The following KCNH1 variants were observed in gnomAD, a reference collection of about 807,000 sequenced individuals.
KCNH1 encodes the protein potassium voltage-gated channel subfamily H member 1.
KCNH1 carries 27 observed loss-of-function variants against 69.2 expected under a neutral mutation model. The ratio of observed to expected loss-of-function variants is 0.39; its 90% CI spans 0.29 to 0.54. The LOEUF is 0.54. Among genes scored for constraint, KCNH1 ranks in the 20% least tolerant of loss-of-function variants. KCNH1 has a pLI of 0.68. For missense variants in KCNH1, 798 were observed against 1,261.6 expected, an observed-to-expected ratio of 0.63 and a Z score of 5.57; for synonymous variants, 456 against 487.7, an observed-to-expected ratio of 0.93 and a Z score of 0.86.
intron 6 of KCNH1, among the ~76,000 whole-genome samples, chr1:210,924,696 C>T (rs1176572583): frequency 6.6e-6 from 1 of 152,162 alleles, no homozygotes; most frequent in East Asian, 1.9e-4. Flanking sequence ...ACTGTGGAAC[C>T]AGGGACTGGC....
intron 10 of KCNH1, among the ~76,000 whole-genome samples, chr1:210,686,042 A>G (rs1430473276): frequency 6.6e-6 from 1 of 152,108 alleles, no homozygotes; most frequent in Non-Finnish European, 1.5e-5. Context: ...TCTGACCTCC[A>G]CTGGGCAGCA....
At chr1:210,907,257 T>C (rs2102544076) in intron 7 of KCNH1, among the ~76,000 whole-genome samples, 1 of 152,276 alleles carries the variant, frequency 6.6e-6, no homozygotes, top group South Asian at 2.1e-4. Context: ...CAGGGTACAA[T>C]GGCTCTTCTT....
chr1:210,997,109 C>T (rs995247930), intron 6 of KCNH1, among the ~76,000 whole-genome samples: 1 of 152,204 alleles, frequency 6.6e-6, no homozygotes, highest in Non-Finnish European at 1.5e-5. Context: ...GAGTGCCTCT[C>T]CTCCTCGAAA....
chr1:210,807,601 C>T (rs934522959), intron 7 of KCNH1, among the ~76,000 whole-genome samples: 16 of 151,294 alleles, frequency 1.1e-4, no homozygotes, highest in Non-Finnish European at 1.9e-4. Context: ...GGTGACAAAG[C>T]GAGACTGTCT....
rs1684765360 is a variant in KCNH1 at position 210,814,031 on chromosome 1, T to G, written c.1463-9865A>C. 2.0e-5 allele frequency among the ~76,000 whole-genome samples: 3 copies of G among 152,160 alleles called. No homozygotes were observed. The South Asian group carries it at 6.2e-4, about 31-fold the overall frequency. ...GGAACTGTGAGTGCATTAAACCACTTTTTTTCATAAATTACCCAGTCTCAG... is the reference window on the plus strand; with the variant it reads ...GGAACTGTGAGTGCATTAAACCACTGTTTTTCATAAATTACCCAGTCTCAG... On this transcript the variant is annotated intron_variant, in intron 7 of 10. Coordinates refer to ENST00000271751, the MANE Select transcript of KCNH1 (RefSeq NM_172362.3).
Position 211,133,928 on chromosome 1 carries a change from G to T in KCNH1, c.18C>A (p.Gly6=). 2 of 1,609,346 alleles carry T rather than the reference G, an allele frequency of 1.2e-6. No individual in the cohort carries two copies. The highest frequency in any genetic ancestry group is 1.7e-6 in the Non-Finnish European group (2 of 1,178,014). Residue 6 remains glycine (G), a synonymous_variant, in exon 1 of 11, where the codon GGC becomes GGA. Transcript: ENST00000271751. The surrounding 1 kb of genome is among the most constrained non-coding windows in gnomAD (Gnocchi z 5.4). ...TTTGAGGGGCCACTAGTCCCCTCCT[G>T]CCCCCAGCCATGGTCATCCTCCCAG... MTMAG[G]RRGLVAPQNT...
intron 5 of KCNH1, among the ~76,000 whole-genome samples, chr1:211,043,707 C>A (rs1413950457): frequency 6.6e-6 from 1 of 152,130 alleles, no homozygotes; most frequent in African/African-American, 2.4e-5. Flanking sequence ...TACTGGCTAA[C>A]TAAATCCAAC....
At chr1:210,770,862 C>T (rs1229347622) in intron 10 of KCNH1, among the ~76,000 whole-genome samples, 2 of 152,172 alleles carry the variant, frequency 1.3e-5, no homozygotes, top group Non-Finnish European at 2.9e-5. Flanking sequence ...CTGAGGCTAC[C>T]ACAGAATGTG....
At chr1:210,691,863 C>T (rs544183627) in intron 10 of KCNH1, among the ~76,000 whole-genome samples, 2 of 152,188 alleles carry the variant, frequency 1.3e-5, no homozygotes, top group Non-Finnish European at 2.9e-5. Context: ...CACATGAGCC[C>T]AACTGTTTGG....
Position 210,683,021 on chromosome 1 carries a change from C to A in KCNH1, c.*260G>T. 1 of 482,878 alleles carries A rather than the reference C, an allele frequency of 2.1e-6. No homozygotes were observed. Among genetic ancestry groups the A allele is most frequent in the South Asian group, 2.7e-5 (1 of 36,622 alleles). The allele number at this position is 482,878 out of a possible 1,614,324, so 29.9% of individuals were successfully genotyped here. On this transcript the variant is annotated 3_prime_UTR_variant, in exon 11 of 11. Transcript: ENST00000271751. The surrounding 1 kb of genome is among the most constrained non-coding windows in gnomAD (Gnocchi z 5.7). ...AAAAATTAAAAATGAAGGAAAATAC[C>A]CTTTAGACAGCATGTCCCTTCTTCC...
At chr1:210,709,705 AAGAG>A (rs989983684) in intron 10 of KCNH1, among the ~76,000 whole-genome samples, 15 of 146,140 alleles carry the variant, frequency 1.0e-4, no homozygotes, top group African/African-American at 3.4e-4. Context: ...GAGAAAAAGA[AAGAG>A]AAAGAAAGAA....
chr1:211,074,207 A>G (rs1690694800), intron 5 of KCNH1, among the ~76,000 whole-genome samples: 1 of 151,680 alleles, frequency 6.6e-6, no homozygotes, highest in Non-Finnish European at 1.5e-5. Context: ...AGTAAACTGT[A>G]TGTTACATTA....
chr1:210,928,487 C>A (rs983645930), intron 6 of KCNH1, among the ~76,000 whole-genome samples: 1 of 151,996 alleles, frequency 6.6e-6, no homozygotes, highest in African/African-American at 2.4e-5. Flanking sequence ...CAATGAAATC[C>A]AGAAGGAAAT....
intron 6 of KCNH1, among the ~76,000 whole-genome samples, chr1:210,967,574 T>C (rs1688431250): frequency 6.6e-6 from 1 of 152,126 alleles, no homozygotes; most frequent in Non-Finnish European, 1.5e-5. Context: ...CCTAGTGACC[T>C]GTGATGCTAC....
At chr1:210,987,074 A>AGCC (rs2102385068) in intron 6 of KCNH1, among the ~76,000 whole-genome samples, 1 of 152,290 alleles carries the variant, frequency 6.6e-6, no homozygotes, top group African/African-American at 2.4e-5. Flanking sequence ...AGGTGAGTGA[A>AGCC]TCAGCTACCG....
chr1:210,955,591 G>A (rs1382977340), intron 6 of KCNH1, among the ~76,000 whole-genome samples: 2 of 152,138 alleles, frequency 1.3e-5, no homozygotes, highest in African/African-American at 4.8e-5. Context: ...GCAGTGGTTT[G>A]TAGTTCTCCT....
chr1:210,876,876 A>G (rs1686387084), intron 7 of KCNH1, among the ~76,000 whole-genome samples: 2 of 152,120 alleles, frequency 1.3e-5, no homozygotes, highest in Non-Finnish European at 2.9e-5. Context: ...AAATGCAGGC[A>G]TAATTTGTTC....
chr1:210,836,315 C>T (rs1685282197), intron 7 of KCNH1, among the ~76,000 whole-genome samples: 1 of 152,030 alleles, frequency 6.6e-6, no homozygotes, highest in African/African-American at 2.4e-5. Flanking sequence ...GCTATTCCTA[C>T]CTCTAATTAT....
intron 6 of KCNH1, among the ~76,000 whole-genome samples, chr1:211,001,764 C>T (rs1689184209): frequency 6.6e-6 from 1 of 152,126 alleles, no homozygotes; most frequent in South Asian, 2.1e-4. Flanking sequence ...GGAACCAACC[C>T]AAATGTCCAT....
Sources: gnomAD v4.1 joint callset for allele counts (sites outside exome capture counted in the v4.1 genomes callset) on GRCh38, gnomAD v4.1.1 for gene constraint, Gnocchi (gnomAD v3.1) non-coding constraint, MANE v1.5 for transcripts, NCBI Gene and HGNC (gene_info 2026-07-23, HGNC 2026-07-21) for gene names.